Variants in EXT2 observed in about 807,000 individuals in gnomAD.
EXT2 encodes the protein exostosin glycosyltransferase 2, also known as exostosin-2.
EXT2 carries 53 observed loss-of-function variants against 81.6 expected under a neutral mutation model. The observed-to-expected ratio is 0.65, with a 90% CI of 0.52 to 0.82. EXT2 has a LOEUF of 0.82. Among genes scored for constraint, EXT2 ranks in the 40% least tolerant of loss-of-function variants. The pLI is 0.00. For synonymous variants in EXT2, 320 were observed against 340.0 expected (o/e 0.94, Z 0.65); for missense variants, 774 against 910.2 (o/e 0.85, Z 1.93).
At chr11:44,232,262 A>T (rs1452552430) in intron 10 of EXT2, 91 bp from the exon 11 acceptor site, 6 of 1,550,884 alleles carry the variant, frequency 3.9e-6, no homozygotes, top group Non-Finnish European at 2.7e-6. Context: ...GTTTGAACCT[A>T]GGAAGTCTGT....
At chr11:44,171,937 A>T in intron 8 of EXT2, 195 bp downstream of exon 8, 3 of 725,630 alleles carry the variant, frequency 4.1e-6, no homozygotes, top group Non-Finnish European at 2.3e-6. Context: ...CGGAAGCAGC[A>T]GCTTCCAGTG....
intron 7 of EXT2, among the ~76,000 whole-genome samples, chr11:44,140,058 G>A (rs1055247379): frequency 1.3e-5 from 2 of 152,202 alleles, no homozygotes; most frequent in African/African-American, 4.8e-5. Flanking sequence ...GGAAGGGTTA[G>A]GCAAAAGAGG....
rs974149050 is a variant in EXT2, at chr11:44,250,432, A to G, written c.*6145A>G. 2.8e-4 allele frequency among the ~76,000 whole-genome samples: 43 copies of G among 152,226 alleles called. No homozygotes were observed. The highest frequency in any genetic ancestry group is 1.0e-3 in the African/African-American group (43 of 41,462). On this transcript the variant is annotated 3_prime_UTR_variant, in exon 14 of 14. Transcript: ENST00000533608. The stretch of plus-strand genomic sequence containing the variant: ...TTGGTGAGATGGAATGATGTATCAT[A>G]TCTCTTCCCCTTTTATTAACCAGAT...
intron 10 of EXT2, among the ~76,000 whole-genome samples, chr11:44,231,437 T>G (rs1048456371): frequency 1.3e-5 from 2 of 152,232 alleles, no homozygotes; most frequent in African/African-American, 4.8e-5. Flanking sequence ...AGATATTAAC[T>G]AAGTGGTTGG....
rs547273205 is a variant in EXT2 at position 44,245,211 on chromosome 11, G to A, written c.*924G>A. On this transcript the variant is annotated 3_prime_UTR_variant, in exon 14 of 14. Transcript: ENST00000533608. ...ATTGTCAGAGAAAAACAGAGGGTCTGTACTAGCCATGCAAGGAGTCGCTCT... is the reference window on the plus strand; with the variant it reads ...ATTGTCAGAGAAAAACAGAGGGTCTATACTAGCCATGCAAGGAGTCGCTCT... 1 of 228,566 alleles carries A rather than the reference G, an allele frequency of 4.4e-6. No individual in the cohort carries two copies. The highest frequency in any genetic ancestry group is 2.2e-5 in the African/African-American group (1 of 45,164). The allele number at this position is 228,566 out of a possible 1,614,324, so 14.2% of individuals were successfully genotyped here.
chr11:44,206,709 A>T (rs1955586772), intron 9 of EXT2, 84 bp from the exon 10 acceptor site: 1 of 1,435,100 alleles, frequency 7.0e-7, no homozygotes, highest in Admixed American at 1.7e-5. Flanking sequence ...TGATTCTCCC[A>T]TCTCATTTGT....
intron 1 of EXT2, chr11:44,104,867 C>T (rs912374683): frequency 6.6e-6 from 1 of 152,196 alleles, no homozygotes; most frequent in African/African-American, 2.4e-5. Flanking sequence ...AAATCGCTGT[C>T]ATGCCACATT....
At chr11:44,181,835 T>C (rs527847981) in intron 8 of EXT2, among the ~76,000 whole-genome samples, 12 of 152,352 alleles carry the variant, frequency 7.9e-5, no homozygotes, top group Admixed American at 4.6e-4. Context: ...TTCAAATACC[T>C]GATGATTATT....
chr11:44,229,879 G>A (rs919296768), intron 10 of EXT2, among the ~76,000 whole-genome samples: 1 of 152,176 alleles, frequency 6.6e-6, no homozygotes, highest in East Asian at 1.9e-4. Context: ...AACTGTGTGT[G>A]GAATGTTGTT....
At chr11:44,204,762 G>A (rs1955562705) in intron 9 of EXT2, among the ~76,000 whole-genome samples, 1 of 152,204 alleles carries the variant, frequency 6.6e-6, no homozygotes, top group Non-Finnish European at 1.5e-5. Context: ...CTGAGGTGGA[G>A]TAGTTTCATC....
chr11:44,196,202 G>T (rs1185524304), intron 8 of EXT2, among the ~76,000 whole-genome samples: 1 of 152,066 alleles, frequency 6.6e-6, no homozygotes, highest in Non-Finnish European at 1.5e-5. Context: ...ATTGTACATT[G>T]AACTCACATG....
intron 1 of EXT2, chr11:44,103,806 A>C (rs1236263778): frequency 6.9e-6 from 2 of 291,524 alleles, no homozygotes; most frequent in Non-Finnish European, 1.3e-5. Context: ...ACTGGCATAA[A>C]TTCATTGATA....
chr11:44,131,415 G>A (rs1954490921), intron 7 of EXT2, among the ~76,000 whole-genome samples: 1 of 152,172 alleles, frequency 6.6e-6, no homozygotes, highest in African/African-American at 2.4e-5. Context: ...TATCAGCTCT[G>A]TGGGTTACAA....
chr11:44,126,226 A>G (rs755142301), intron 5 of EXT2, among the ~76,000 whole-genome samples: 3 of 152,192 alleles, frequency 2.0e-5, no homozygotes, highest in Non-Finnish European at 4.4e-5. Context: ...GAAATTTTTC[A>G]TTAGATTTTT....
intron 7 of EXT2, among the ~76,000 whole-genome samples, chr11:44,170,525 G>A (rs929566595): frequency 1.3e-5 from 2 of 151,854 alleles, no homozygotes; most frequent in African/African-American, 2.4e-5. Flanking sequence ...ATCAAAAGTC[G>A]ATTTTTAAAA....
Position 44,212,206 on chromosome 11 carries a change from A to C in EXT2, c.1662+5247A>C, listed in dbSNP as rs542824009. Reference sequence around the variant, plus strand: ...AGGCTGAGGCAGGAGAATCACATGAATCTGGGAGGCAGAGGTTGCCGTGAG... The same window carrying C: ...AGGCTGAGGCAGGAGAATCACATGACTCTGGGAGGCAGAGGTTGCCGTGAG... On this transcript the variant is annotated intron_variant, in intron 10 of 13. Transcript: ENST00000533608. Among the ~76,000 whole-genome samples the C allele has an allele frequency of 1.0e-3, 155 of 152,092 alleles. No homozygotes were observed. In the Middle Eastern group the frequency reaches 0.014, roughly 13 times the overall value.
At chr11:44,117,353 C>A (rs990163826) in intron 4 of EXT2, among the ~76,000 whole-genome samples, 3 of 152,156 alleles carry the variant, frequency 2.0e-5, no homozygotes, top group Non-Finnish European at 2.9e-5. Context: ...TGGTTACTTG[C>A]AGTTTTGGTG....
At chr11:44,168,076 GT>G (rs1309001479) in intron 7 of EXT2, among the ~76,000 whole-genome samples, 2 of 149,594 alleles carry the variant, frequency 1.3e-5, no homozygotes, top group Admixed American at 6.7e-5. Flanking sequence ...GCGGTGTTTG[GT>G]TTTTTTTTCT....
chr11:44,232,622 A>G, intron 11 of EXT2, 126 bp downstream of exon 11: 1 of 1,212,948 alleles, frequency 8.2e-7, no homozygotes, highest in Non-Finnish European at 1.2e-6. Context: ...ACAGTATTTT[A>G]CAAATAAAGC....
Sources: allele counts gnomAD v4.1 joint callset (sites outside exome capture counted in the v4.1 genomes callset), GRCh38; gene constraint gnomAD v4.1.1; transcripts MANE v1.5; gene names NCBI Gene and HGNC (gene_info 2026-07-23, HGNC 2026-07-21).